Variants in AP2B1 observed in about 807,000 individuals in gnomAD.
AP2B1 encodes the protein adaptor related protein complex 2 subunit beta 1, also known as AP-2 complex subunit beta.
In AP2B1, 23 loss-of-function variants were observed where a neutral mutation model predicts 102.0. The ratio of observed to expected loss-of-function variants is 0.23; its 90% CI spans 0.16 to 0.32. The LOEUF is 0.32. AP2B1 is among the 10% of genes least tolerant of loss of function. The probability of loss-of-function intolerance (pLI) is 1.00; values close to 1 mark genes in which losing one functional copy is unlikely to be tolerated. For missense variants in AP2B1, 541 were observed against 1,157.4 expected (o/e 0.47, Z 7.73); for synonymous variants, 381 against 421.2 (o/e 0.90, Z 1.17).
At chr17:35,606,674 A>G (rs551636492) in intron 4 of AP2B1, among the ~76,000 whole-genome samples, 1 of 151,990 alleles carries the variant, frequency 6.6e-6, no homozygotes, top group Non-Finnish European at 1.5e-5. Flanking sequence ...CCTCATACAT[A>G]TTTTCTGACC....
intron 18 of AP2B1, among the ~76,000 whole-genome samples, chr17:35,708,136 G>A (rs2076380362): frequency 6.6e-6 from 1 of 152,216 alleles, no homozygotes. Context: ...AAGACAGAGA[G>A]TGAGAATAGT....
chr17:35,723,119 T>C (rs1318176637), intron 21 of AP2B1, among the ~76,000 whole-genome samples: 2 of 152,212 alleles, frequency 1.3e-5, no homozygotes, highest in East Asian at 3.8e-4. Context: ...CTCTCCTCAT[T>C]ATAATACAGA....
intron 12 of AP2B1, among the ~76,000 whole-genome samples, chr17:35,649,825 A>G (rs2075040861): frequency 6.6e-6 from 1 of 152,044 alleles, no homozygotes; most frequent in Non-Finnish European, 1.5e-5. Flanking sequence ...GCAGCGGTGC[A>G]GTCATGGCTC....
chr17:35,617,297 C>T (rs2074052129), intron 5 of AP2B1, among the ~76,000 whole-genome samples: 1 of 152,174 alleles, frequency 6.6e-6, no homozygotes, highest in Admixed American at 6.5e-5. Context: ...CTCAAGTGAT[C>T]CGCCTGCCTC....
At chr17:35,608,489 G>T (rs1376669354) in intron 5 of AP2B1, 102 bp downstream of exon 5, 2 of 1,369,766 alleles carry the variant, frequency 1.5e-6, no homozygotes, top group Non-Finnish European at 2.0e-6. Flanking sequence ...GGGTTATGGG[G>T]TAGCTATGGG....
intron 2 of AP2B1, among the ~76,000 whole-genome samples, chr17:35,595,789 A>G (rs973094143): frequency 1.3e-5 from 2 of 152,136 alleles, no homozygotes; most frequent in Admixed American, 1.3e-4. Flanking sequence ...GCCATTAGCC[A>G]CTTGTCATTC....
chr17:35,666,469 G>T (rs2075467918), intron 14 of AP2B1, among the ~76,000 whole-genome samples: 1 of 152,162 alleles, frequency 6.6e-6, no homozygotes, highest in Non-Finnish European at 1.5e-5. Context: ...TTTTAATACA[G>T]ACTGTTCAAT....
intron 16 of AP2B1, among the ~76,000 whole-genome samples, chr17:35,672,565 A>T (rs763442334): frequency 4.7e-4 from 72 of 152,130 alleles, no homozygotes; most frequent in Non-Finnish European, 9.3e-4. Context: ...CTTATGGGGG[A>T]TCCCTGCTAT....
intron 20 of AP2B1, among the ~76,000 whole-genome samples, chr17:35,716,291 A>G (rs1239341276): frequency 6.6e-6 from 1 of 152,248 alleles, no homozygotes; most frequent in Non-Finnish European, 1.5e-5. Context: ...TGTCATCTCT[A>G]TTCTTAAAGT....
At chr17:35,622,517 A>T (rs2074208520) in intron 5 of AP2B1, among the ~76,000 whole-genome samples, 1 of 152,242 alleles carries the variant, frequency 6.6e-6, no homozygotes, top group Non-Finnish European at 1.5e-5. Flanking sequence ...TGCTAACAAA[A>T]TGATAATCAT....
At chr17:35,643,138 C>T (rs1353839022) in intron 12 of AP2B1, among the ~76,000 whole-genome samples, 2 of 148,774 alleles carry the variant, frequency 1.3e-5, no homozygotes, top group Non-Finnish European at 1.5e-5. Context: ...TGAGAATTGT[C>T]TTGGGCCACA....
chr17:35,600,222 C>T (rs778145192), intron 3 of AP2B1, among the ~76,000 whole-genome samples: 2 of 152,072 alleles, frequency 1.3e-5, no homozygotes, highest in Non-Finnish European at 2.9e-5. Context: ...GCTGGGATTA[C>T]AGGCGTGCAC....
intron 5 of AP2B1, among the ~76,000 whole-genome samples, chr17:35,613,025 A>G (rs888733882): frequency 6.6e-6 from 1 of 151,976 alleles, no homozygotes; most frequent in Non-Finnish European, 1.5e-5. Context: ...ATACAAAAAA[A>G]AAAGAAATAT....
In AP2B1 at chr17:35,723,712, A is replaced by G. The variant is rs781967943; in HGVS notation, c.*13A>G. 3 of 1,569,294 alleles carry G rather than the reference A, an allele frequency of 1.9e-6. No homozygotes were observed. Among genetic ancestry groups the G allele is most frequent in the Non-Finnish European group, 2.6e-6 (3 of 1,139,460 alleles). On this transcript the variant is annotated 3_prime_UTR_variant, in exon 22 of 22. Coordinates refer to ENST00000610402, the MANE Select transcript of AP2B1 (RefSeq NM_001030006.2). ...TTTGAAAAACTAACAAGACTGGTCC[A>G]GTACCCTTCAACCATGCTGTGATCG...
chr17:35,658,704 G>A (rs1257861631), intron 14 of AP2B1, among the ~76,000 whole-genome samples: 2 of 152,158 alleles, frequency 1.3e-5, no homozygotes, highest in South Asian at 2.1e-4. Flanking sequence ...TCATTGGAGG[G>A]CTGACATCTT....
intron 12 of AP2B1, among the ~76,000 whole-genome samples, chr17:35,644,892 C>T (rs1255930629): frequency 6.6e-6 from 1 of 151,972 alleles, no homozygotes; most frequent in Non-Finnish European, 1.5e-5. Flanking sequence ...ATTAGCGGAG[C>T]ATAGTGGCAC....
chr17:35,638,554 C>T (rs779917023), intron 10 of AP2B1, among the ~76,000 whole-genome samples: 19 of 151,854 alleles, frequency 1.3e-4, no homozygotes, highest in Non-Finnish European at 2.5e-4. Flanking sequence ...TTTGGGAGGC[C>T]GAGGTGGGCG....
chr17:35,648,846 G>T (rs796389639), intron 12 of AP2B1, among the ~76,000 whole-genome samples: 1 of 151,758 alleles, frequency 6.6e-6, no homozygotes, highest in South Asian at 2.1e-4. Context: ...AGATGGAGAA[G>T]GGTTGGATAA....
chr17:35,623,441 G>A (rs1247290531), intron 5 of AP2B1, among the ~76,000 whole-genome samples: 1 of 152,166 alleles, frequency 6.6e-6, no homozygotes, highest in African/African-American at 2.4e-5. Flanking sequence ...GCATGCACCT[G>A]TAGTCCCAGC....
Sources: gnomAD v4.1 joint callset for allele counts (sites outside exome capture counted in the v4.1 genomes callset) on GRCh38, gnomAD v4.1.1 for gene constraint, MANE v1.5 for transcripts, NCBI Gene and HGNC (gene_info 2026-07-23, HGNC 2026-07-21) for gene names.